TNFSF13B: variants seen among roughly 807,000 people sequenced by gnomAD.
The protein encoded by TNFSF13B is tumor necrosis factor ligand superfamily member 13B.
TNFSF13B carries 8 observed loss-of-function variants against 29.1 expected under a neutral mutation model. The ratio of observed to expected loss-of-function variants is 0.27; its 90% CI spans 0.16 to 0.50. TNFSF13B has a LOEUF of 0.50. TNFSF13B is among the 20% of genes least tolerant of loss of function. The pLI is 0.98. For missense variants in TNFSF13B, 248 were observed against 334.9 expected, an observed-to-expected ratio of 0.74 and a Z score of 2.03; for synonymous variants, 125 against 130.8, an observed-to-expected ratio of 0.96 and a Z score of 0.30.
At chr13:108,277,863 T>G (rs2139044560) in intron 2 of TNFSF13B, among the ~76,000 whole-genome samples, 1 of 152,222 alleles carries the variant, frequency 6.6e-6, no homozygotes, top group Admixed American at 6.5e-5. Flanking sequence ...CTGCAGTCTG[T>G]TTTGTCAGCA....
chr13:108,292,001 A>G (rs1277358054), intron 3 of TNFSF13B, among the ~76,000 whole-genome samples: 1 of 152,146 alleles, frequency 6.6e-6, no homozygotes, highest in Non-Finnish European at 1.5e-5. Context: ...TTCATATAAC[A>G]TAAAATTAAA....
intron 3 of TNFSF13B, among the ~76,000 whole-genome samples, chr13:108,297,641 T>A (rs1360043082): frequency 6.8e-6 from 1 of 146,074 alleles, no homozygotes; most frequent in African/African-American, 2.6e-5. Flanking sequence ...TCTTTTTTCT[T>A]TTTTATTTTA....
Position 108,270,227 on chromosome 13 carries a change from G to T in TNFSF13B, c.332G>T (p.Gly111Val), listed in dbSNP as rs764805007. 3.7e-6 allele frequency: 6 copies of T among 1,605,742 alleles called. No homozygotes were observed. Among genetic ancestry groups the T allele is most frequent in the Non-Finnish European group, 4.2e-6 (5 of 1,177,862 alleles). Reference protein sequence around the residue: ...GLEEAPAVTAGLKIFEPPAPG... With the variant: ...GLEEAPAVTAVLKIFEPPAPG... Reference sequence around the variant, plus strand: ...GAGGAAGCTCCAGCTGTCACCGCGGGACTGAAAGTGAGTTTGCAGCAGCTG... The same window carrying T: ...GAGGAAGCTCCAGCTGTCACCGCGGTACTGAAAGTGAGTTTGCAGCAGCTG... Residue 111 changes from glycine (G) to valine (V), a missense_variant, in exon 1 of 6, where the codon GGA becomes GTA. Physicochemically the swap from Gly to Val is moderately radical, Grantham distance 109. Transcript: ENST00000375887.
At chr13:108,288,416 A>G (rs1002808508) in intron 3 of TNFSF13B, among the ~76,000 whole-genome samples, 2 of 152,200 alleles carry the variant, frequency 1.3e-5, no homozygotes, top group Non-Finnish European at 2.9e-5. Context: ...AAAAGCAGTT[A>G]GGACATCTAA....
intron 2 of TNFSF13B, among the ~76,000 whole-genome samples, chr13:108,281,850 C>T (rs1880966348): frequency 6.6e-6 from 1 of 152,112 alleles, no homozygotes; most frequent in Non-Finnish European, 1.5e-5. Context: ...TAATTCAATA[C>T]CATGCTTTCC....
intron 2 of TNFSF13B, 135 bp from the exon 3 acceptor site, chr13:108,286,668 G>A (rs1234234779): frequency 1.6e-5 from 7 of 450,674 alleles, no homozygotes; most frequent in African/African-American, 6.0e-5. Context: ...GTAACTTTAA[G>A]AATAATGTCA....
chr13:108,289,399 G>T (rs574765231), intron 3 of TNFSF13B, among the ~76,000 whole-genome samples: 2 of 151,956 alleles, frequency 1.3e-5, no homozygotes, highest in Non-Finnish European at 2.9e-5. Flanking sequence ...AAATGTGAGT[G>T]TGCATGGGCA....
At chr13:108,300,298 A>G (rs1881580287) in intron 3 of TNFSF13B, among the ~76,000 whole-genome samples, 1 of 152,214 alleles carries the variant, frequency 6.6e-6, no homozygotes, top group Non-Finnish European at 1.5e-5. Context: ...TATTTGCTGC[A>G]TGTCTACTGT....
At chr13:108,272,368 A>T (rs1025604339) in intron 2 of TNFSF13B, among the ~76,000 whole-genome samples, 1 of 152,078 alleles carries the variant, frequency 6.6e-6, no homozygotes, top group Non-Finnish European at 1.5e-5. Flanking sequence ...GCATTTCTCT[A>T]TAGTAAAGTG....
Position 108,307,219 on chromosome 13 carries a change from G to A in TNFSF13B, c.*281G>A. The A allele has an allele frequency of 3.7e-6, 1 of 270,586 alleles. No individual in the cohort carries two copies. Among genetic ancestry groups the A allele is most frequent in the Non-Finnish European group, 6.9e-6 (1 of 144,814 alleles). 16.8% of individuals were successfully genotyped at this position (270,586 alleles called of 1,614,324 possible). ...AGGCTTTTCATTATAATTCCATGTT[G>A]AACAATTGAGTCATAGCTTCTTATC... is the stretch of plus-strand genomic sequence containing the variant. On this transcript the variant is annotated 3_prime_UTR_variant, in exon 6 of 6. Transcript: ENST00000375887.
chr13:108,303,833 A>C (rs552589137), intron 5 of TNFSF13B, among the ~76,000 whole-genome samples: 8 of 152,306 alleles, frequency 5.3e-5, no homozygotes, highest in African/African-American at 1.9e-4. Flanking sequence ...TACATTTAGA[A>C]AGGGTAGTAA....
intron 2 of TNFSF13B, among the ~76,000 whole-genome samples, chr13:108,274,283 A>G (rs1033881493): frequency 2.0e-5 from 3 of 151,466 alleles, no homozygotes; most frequent in African/African-American, 7.3e-5. Context: ...GTTCATATAC[A>G]TATGAACAAT....
At chr13:108,287,855 G>A (rs146448285) in intron 3 of TNFSF13B, among the ~76,000 whole-genome samples, 72 of 152,092 alleles carry the variant, frequency 4.7e-4, no homozygotes, top group African/African-American at 1.7e-3. Flanking sequence ...CCATAATAAT[G>A]GCCTGAAACC....
intron 2 of TNFSF13B, among the ~76,000 whole-genome samples, chr13:108,282,996 TAAAC>T (rs1255382429): frequency 2.6e-5 from 4 of 152,260 alleles, no homozygotes; most frequent in African/African-American, 9.6e-5. Context: ...TTTCTTATAT[TAAAC>T]TACGCATTTT....
intron 2 of TNFSF13B, among the ~76,000 whole-genome samples, chr13:108,282,954 T>A (rs1566401434): frequency 6.6e-6 from 1 of 152,196 alleles, no homozygotes; most frequent in Non-Finnish European, 1.5e-5. Context: ...CAAACAATAA[T>A]CAATTAATAT....
At chr13:108,284,270 A>C (rs1014275368) in intron 2 of TNFSF13B, among the ~76,000 whole-genome samples, 1 of 152,240 alleles carries the variant, frequency 6.6e-6, no homozygotes, top group Non-Finnish European at 1.5e-5. Flanking sequence ...CGGAGCTTGC[A>C]GTGAGCTGAG....
At chr13:108,295,278 G>A (rs529718630) in intron 3 of TNFSF13B, among the ~76,000 whole-genome samples, 1 of 145,138 alleles carries the variant, frequency 6.9e-6, no homozygotes, top group African/African-American at 2.6e-5. Flanking sequence ...AGGTTCAGGC[G>A]ATTCTCCTGC....
At chr13:108,275,013 G>C (rs946965008) in intron 2 of TNFSF13B, among the ~76,000 whole-genome samples, 6 of 152,090 alleles carry the variant, frequency 3.9e-5, no homozygotes, top group Non-Finnish European at 8.8e-5. Flanking sequence ...ATTACTTTGT[G>C]TTTCAAACCA....
chr13:108,295,352 T>G (rs1881434636), intron 3 of TNFSF13B, among the ~76,000 whole-genome samples: 2 of 144,194 alleles, frequency 1.4e-5, no homozygotes, highest in Admixed American at 6.8e-5. Flanking sequence ...TTTTATTTAT[T>G]TATTTATTTT....
Sources: gnomAD v4.1 joint callset for allele counts (sites outside exome capture counted in the v4.1 genomes callset) on GRCh38, gnomAD v4.1.1 for gene constraint, MANE v1.5 for transcripts, NCBI Gene and HGNC (gene_info 2026-07-23, HGNC 2026-07-21) for gene names.